Variants in CNTNAP5 observed in about 807,000 individuals in gnomAD.
CNTNAP5 encodes the protein contactin-associated protein-like 5.
Under a neutral mutation model 150.2 loss-of-function variants are expected in CNTNAP5, and 72 were observed. The ratio of observed to expected loss-of-function variants is 0.48; its 90% CI spans 0.40 to 0.58. The LOEUF is 0.58. Among genes scored for constraint, CNTNAP5 ranks in the 20% least tolerant of loss-of-function variants. The pLI is 0.00. For synonymous variants in CNTNAP5, 672 were observed against 619.8 expected (o/e 1.08, Z -1.25); for missense variants, 1,636 against 1,626.2 (o/e 1.01, Z -0.10).
chr2:124,372,617 TG>T, intron 3 of CNTNAP5, among the ~76,000 whole-genome samples: 1 of 152,210 alleles, frequency 6.6e-6, no homozygotes, highest in East Asian at 1.9e-4. Context: ...GACCTATGGA[TG>T]GTAGCAGAGT....
intron 6 of CNTNAP5, among the ~76,000 whole-genome samples, chr2:124,469,775 C>T (rs1243395794): frequency 6.6e-6 from 1 of 152,066 alleles, no homozygotes; most frequent in African/African-American, 2.4e-5. Flanking sequence ...CCTCCCTGTG[C>T]CCATGTGTTC....
intron 11 of CNTNAP5, among the ~76,000 whole-genome samples, chr2:124,605,402 G>A (rs771068473): frequency 5.3e-5 from 8 of 152,160 alleles, no homozygotes; most frequent in Non-Finnish European, 1.0e-4. Context: ...TCCTCTCTGT[G>A]CTCTTTGTAT....
At chr2:124,103,946 T>G (rs1424621191) in intron 1 of CNTNAP5, among the ~76,000 whole-genome samples, 1 of 147,678 alleles carries the variant, frequency 6.8e-6, no homozygotes, top group Non-Finnish European at 1.5e-5. Flanking sequence ...AATTTAAGCA[T>G]TATATATGTT....
chr2:124,216,980 G>T (rs1460019197), intron 1 of CNTNAP5, among the ~76,000 whole-genome samples: 1 of 152,096 alleles, frequency 6.6e-6, no homozygotes, highest in Non-Finnish European at 1.5e-5. Flanking sequence ...CTTCCACAAT[G>T]GTTAAACTAG....
intron 13 of CNTNAP5, among the ~76,000 whole-genome samples, chr2:124,730,857 G>C (rs1680255585): frequency 1.3e-5 from 2 of 152,026 alleles, no homozygotes; most frequent in African/African-American, 4.8e-5. Context: ...ATAAACAGGA[G>C]AGTGGTTAAT....
chr2:124,137,208 G>A (rs970788666), intron 1 of CNTNAP5, among the ~76,000 whole-genome samples: 2 of 151,992 alleles, frequency 1.3e-5, no homozygotes, highest in African/African-American at 4.8e-5. Context: ...AACATAGGGT[G>A]TGTGAGGGAG....
chr2:124,747,197 T>TA (rs1185355005), intron 13 of CNTNAP5, 32 bp from the exon 14 acceptor site: 1 of 1,603,294 alleles, frequency 6.2e-7, no homozygotes, highest in Admixed American at 1.7e-5. Context: ...AGGCTTGCCC[T>TA]ACCCTGACTG....
intron 1 of CNTNAP5, among the ~76,000 whole-genome samples, chr2:124,160,171 G>T (rs566543145): frequency 1.3e-5 from 2 of 152,202 alleles, no homozygotes; most frequent in South Asian, 4.1e-4. Context: ...GAGTCTAAAG[G>T]TATGAGAACC....
chr2:124,705,143 G>C (rs1431854553), intron 13 of CNTNAP5, among the ~76,000 whole-genome samples: 1 of 151,956 alleles, frequency 6.6e-6, no homozygotes, highest in African/African-American at 2.4e-5. Context: ...TTTTTTAATA[G>C]AGTGTAGCGT....
intron 13 of CNTNAP5, among the ~76,000 whole-genome samples, chr2:124,741,799 G>A (rs756142157): frequency 3.3e-5 from 5 of 151,962 alleles, no homozygotes; most frequent in Non-Finnish European, 5.9e-5. Flanking sequence ...ATTGTTTCCC[G>A]CTTTTACTTC....
At chr2:124,809,021 G>A (rs888201952) in intron 19 of CNTNAP5, among the ~76,000 whole-genome samples, 1 of 151,838 alleles carries the variant, frequency 6.6e-6, no homozygotes, top group Non-Finnish European at 1.5e-5. Context: ...CCTTGACCAT[G>A]GAAGAACTGA....
intron 1 of CNTNAP5, among the ~76,000 whole-genome samples, chr2:124,095,744 A>AT (rs1682920216): frequency 1.3e-5 from 2 of 151,938 alleles, no homozygotes; most frequent in South Asian, 2.1e-4. Context: ...AATTGCCTTG[A>AT]TTTTTTGATT....
intron 11 of CNTNAP5, among the ~76,000 whole-genome samples, chr2:124,583,427 C>T (rs980149368): frequency 6.6e-6 from 1 of 152,210 alleles, no homozygotes; most frequent in African/African-American, 2.4e-5. Flanking sequence ...TCTGTGGCCT[C>T]TCCAATGCCA....
chr2:124,813,866 A>G (rs1456946371), intron 19 of CNTNAP5, among the ~76,000 whole-genome samples: 1 of 151,786 alleles, frequency 6.6e-6, no homozygotes, highest in African/African-American at 2.4e-5. Context: ...TCTTTATACA[A>G]AGATAGCTTT....
intron 1 of CNTNAP5, among the ~76,000 whole-genome samples, chr2:124,082,449 A>C (rs767873989): frequency 4.6e-5 from 7 of 151,612 alleles, no homozygotes; most frequent in Non-Finnish European, 7.4e-5. Context: ...ATGGAGTTGC[A>C]AGTATCAACT....
At chr2:124,512,675 G>A (rs182260805) in intron 8 of CNTNAP5, among the ~76,000 whole-genome samples, 26 of 152,168 alleles carry the variant, frequency 1.7e-4, no homozygotes, top group East Asian at 1.2e-3. Context: ...TCACTCTTTC[G>A]ATAATTCCTT....
At chr2:124,485,851 T>C (rs1198630973) in intron 7 of CNTNAP5, among the ~76,000 whole-genome samples, 1 of 151,972 alleles carries the variant, frequency 6.6e-6, no homozygotes, top group Non-Finnish European at 1.5e-5. Flanking sequence ...AGCGGCCCTC[T>C]AGTGCCCCTT....
chr2:124,513,690 T>C (rs565380261), intron 8 of CNTNAP5, among the ~76,000 whole-genome samples: 38 of 152,288 alleles, frequency 2.5e-4, no homozygotes, highest in African/African-American at 9.1e-4. Context: ...ACAACAATTA[T>C]ATGCCGCATA....
intron 6 of CNTNAP5, among the ~76,000 whole-genome samples, chr2:124,473,097 T>A (rs544363173): frequency 6.6e-6 from 1 of 152,174 alleles, no homozygotes; most frequent in South Asian, 2.1e-4. Context: ...ATAAAATGTT[T>A]AATGAATTAA....
Sources: gnomAD v4.1 joint callset for allele counts (sites outside exome capture counted in the v4.1 genomes callset) on GRCh38, gnomAD v4.1.1 for gene constraint, MANE v1.5 for transcripts, NCBI Gene and HGNC (gene_info 2026-07-23, HGNC 2026-07-21) for gene names.